Variants in PRP4K observed in about 807,000 individuals in gnomAD.
PRP4K encodes serine/threonine-protein kinase PRP4 homolog.
chr6:4,048,769 G>T, the PRP4K span, among the ~76,000 whole-genome samples: 4 of 151,272 alleles, frequency 2.6e-5, no homozygotes, highest in Non-Finnish European at 5.9e-5. Flanking sequence ...TAGAGAAGGG[G>T]TGTCACTGTG....
the PRP4K span, among the ~76,000 whole-genome samples, chr6:4,028,110 C>A: frequency 6.6e-6 from 1 of 152,128 alleles, no homozygotes; most frequent in Non-Finnish European, 1.5e-5. Flanking sequence ...ATATAAAGAA[C>A]AAAGTTGAAA....
the PRP4K span, among the ~76,000 whole-genome samples, chr6:4,054,364 TCCA>T: frequency 3.3e-5 from 5 of 152,228 alleles, no homozygotes; most frequent in Non-Finnish European, 5.9e-5. Flanking sequence ...TGAGGTGTAT[TCCA>T]TTTTTATGTT....
the PRP4K span, among the ~76,000 whole-genome samples, chr6:4,033,773 A>G: frequency 1.3e-5 from 2 of 152,190 alleles, no homozygotes; most frequent in African/African-American, 2.4e-5. Flanking sequence ...TTTATTTCCA[A>G]GTGCTGTGTC....
the PRP4K span, chr6:4,032,903 A>G: frequency 1.0e-6 from 1 of 960,342 alleles, no homozygotes; most frequent in Non-Finnish European, 1.4e-6. Context: ...TAAGTAACCC[A>G]ATCCATTAAC....
the PRP4K span, among the ~76,000 whole-genome samples, chr6:4,042,797 G>GT: frequency 6.6e-6 from 1 of 152,130 alleles, no homozygotes; most frequent in Non-Finnish European, 1.5e-5. Context: ...GAATTCTGAT[G>GT]TAAACCTCTT....
the PRP4K span, among the ~76,000 whole-genome samples, chr6:4,055,262 T>A: frequency 1.3e-5 from 2 of 152,246 alleles, no homozygotes; most frequent in Non-Finnish European, 2.9e-5. Context: ...TTTCTGTGGG[T>A]ATTGAAACTG....
the PRP4K span, among the ~76,000 whole-genome samples, chr6:4,027,528 C>T: frequency 7.5e-6 from 1 of 133,096 alleles, no homozygotes; most frequent in South Asian, 2.3e-4. Context: ...CCTCTCAGCT[C>T]CACAGGATTT....
At chr6:4,040,344 G>T in the PRP4K span, among the ~76,000 whole-genome samples, 18 of 152,148 alleles carry the variant, frequency 1.2e-4, no homozygotes, top group Admixed American at 1.2e-3. Context: ...GTTAGAGAAC[G>T]TTTTCATCAC....
At chr6:4,047,061 T>G in the PRP4K span, 2 of 782,070 alleles carry the variant, frequency 2.6e-6, no homozygotes, top group Non-Finnish European at 4.5e-6. Context: ...GTTGGGAAAC[T>G]GATGTGCAAG....
the PRP4K span, among the ~76,000 whole-genome samples, chr6:4,052,405 A>C: frequency 6.6e-6 from 1 of 152,226 alleles, no homozygotes; most frequent in East Asian, 1.9e-4. Flanking sequence ...AGGAATTTTT[A>C]TCTTCAACAG....
the PRP4K span, chr6:4,043,716 G>A: frequency 1.0e-4 from 112 of 1,115,450 alleles, no homozygotes; most frequent in Non-Finnish European, 1.3e-4. Flanking sequence ...TATTTGATAC[G>A]TTCTCTTAAC....
chr6:4,041,981 G>T, the PRP4K span, among the ~76,000 whole-genome samples: 8 of 152,198 alleles, frequency 5.3e-5, no homozygotes, highest in Non-Finnish European at 1.2e-4. Flanking sequence ...TTGAGGGTTA[G>T]TGCGGAGGGT....
At chr6:4,052,389 C>T in the PRP4K span, among the ~76,000 whole-genome samples, 52 of 152,230 alleles carry the variant, frequency 3.4e-4, no homozygotes, top group South Asian at 8.3e-4. Flanking sequence ...TGAAATACTT[C>T]AAGGAAGGAA....
chr6:4,038,627 T>C, the PRP4K span, among the ~76,000 whole-genome samples: 1 of 152,078 alleles, frequency 6.6e-6, no homozygotes, highest in South Asian at 2.1e-4. Flanking sequence ...CATCACACTT[T>C]TTTGTTCTTC....
the PRP4K span, chr6:4,052,843 A>G: frequency 6.2e-7 from 1 of 1,612,856 alleles, no homozygotes; most frequent in Non-Finnish European, 8.5e-7. Context: ...GCAATATCCT[A>G]CATGCAGATA....
chr6:4,059,770 C>T, the PRP4K span, among the ~76,000 whole-genome samples: 194 of 152,222 alleles, frequency 1.3e-3, no homozygotes, highest in African/African-American at 4.4e-3. Flanking sequence ...CTCAGCCTCC[C>T]GAGTAGCTGG....
chr6:4,038,827 C>G, the PRP4K span, among the ~76,000 whole-genome samples: 5 of 151,518 alleles, frequency 3.3e-5, no homozygotes, highest in African/African-American at 1.2e-4. Context: ...TTATGTGCCT[C>G]GGTATGTAGA....
chr6:4,049,887 C>G, the PRP4K span: 1 of 1,613,570 alleles, frequency 6.2e-7, no homozygotes, highest in Non-Finnish European at 8.5e-7. Context: ...CATGTAAGTT[C>G]AGAAGACGTG....
the PRP4K span, among the ~76,000 whole-genome samples, chr6:4,023,416 C>A: frequency 6.6e-6 from 1 of 152,206 alleles, no homozygotes; most frequent in Non-Finnish European, 1.5e-5. Context: ...CAAGGTCACA[C>A]TCAGTGGCAC....
Sources: allele counts gnomAD v4.1 joint callset (sites outside exome capture counted in the v4.1 genomes callset), GRCh38; gene constraint gnomAD v4.1.1; transcripts MANE v1.5; gene names NCBI Gene and HGNC (gene_info 2026-07-23, HGNC 2026-07-21).